Variants in HAS1 observed in about 807,000 individuals in gnomAD.
HAS1 encodes the protein HA synthase 1.
HAS1 carries 27 observed loss-of-function variants against 35.0 expected under a neutral mutation model. The observed-to-expected ratio is 0.77, with a 90% CI of 0.57 to 1.06. The LOEUF is 1.06. Among genes scored for constraint, HAS1 ranks in the 50% least tolerant of loss-of-function variants. The pLI, the probability that HAS1 is intolerant of heterozygous loss-of-function variation, is 0.00. For synonymous variants in HAS1, 409 were observed against 371.2 expected, an observed-to-expected ratio of 1.10 and a Z score of -1.17; for missense variants, 940 against 814.8, an observed-to-expected ratio of 1.15 and a Z score of -1.87.
chr19:51,721,322 G>C (rs574081829), intron 1 of HAS1, among the ~76,000 whole-genome samples: 1 of 152,164 alleles, frequency 6.6e-6, no homozygotes, highest in Non-Finnish European at 1.5e-5. Flanking sequence ...ACTTTCCAGA[G>C]GCATAGCCTG....
intron 1 of HAS1, among the ~76,000 whole-genome samples, chr19:51,720,908 CCAAT>C (rs2083627460): frequency 6.6e-6 from 1 of 152,160 alleles, no homozygotes; most frequent in African/African-American, 2.4e-5. Context: ...GATTTATCTC[CCAAT>C]CAAAGGTTTC....
intron 2 of HAS1, 91 bp downstream of exon 2, chr19:51,719,115 G>A: frequency 1.4e-6 from 1 of 717,604 alleles, no homozygotes. Flanking sequence ...AAGGGAGAGA[G>A]TCATTCAAAT....
chr19:51,717,251 G>C, intron 2 of HAS1, 58 bp from the exon 3 acceptor site: 2 of 1,199,364 alleles, frequency 1.7e-6, no homozygotes, highest in East Asian at 4.7e-5. Flanking sequence ...TGATGCTTGA[G>C]AGGAAGGCAT....
Position 51,713,204 on chromosome 19 carries a change from C to T in HAS1, c.*223G>A. On this transcript the variant is annotated 3_prime_UTR_variant, in exon 5 of 5. Transcript: ENST00000540069. This position sits in a 1 kb window ranked among gnomAD's most constrained non-coding sequence, Gnocchi z 4.5. Reference sequence around the variant, plus strand: ...GAGAAAGCAGGACCCTTTCCCTCCACTCCTCAGATCCCACACCCTGACCAA... The same window carrying T: ...GAGAAAGCAGGACCCTTTCCCTCCATTCCTCAGATCCCACACCCTGACCAA... The T allele has an allele frequency of 7.0e-6, 3 of 431,090 alleles. No individual in the cohort carries two copies. Among genetic ancestry groups the T allele is most frequent in the African/African-American group, 2.0e-5 (1 of 48,836 alleles). 26.7% of individuals were successfully genotyped at this position (431,090 alleles called of 1,614,324 possible). A position where few individuals can be genotyped will look rare whatever the true frequency, so the allele number is the denominator to read the frequency against.
chr19:51,714,667 A>G (rs2083573948), intron 4 of HAS1, among the ~76,000 whole-genome samples: 1 of 145,070 alleles, frequency 6.9e-6, no homozygotes, highest in African/African-American at 2.6e-5. Context: ...CTCCAGCCTG[A>G]GCCTGAGCAA....
chr19:51,714,079 T>A lies in HAS1; in HGVS notation c.1082A>T (p.Tyr361Phe), dbSNP rs1414043971. The A allele has an allele frequency of 1.2e-6, 2 of 1,612,968 alleles. No homozygotes were observed. The highest frequency in any genetic ancestry group is 1.7e-6 in the Non-Finnish European group (2 of 1,179,614). Residue 361 changes from tyrosine to phenylalanine, a missense_variant, in exon 5 of 5, where the codon TAC becomes TTC. By Grantham distance (22) the Tyr-to-Phe change is conservative. Coordinates refer to ENST00000540069, the MANE Select transcript of HAS1 (RefSeq NM_001297436.2). ...CAGGAAGGACGAGGGCGTCTCTGAGTAGCAGCGGGACCTGGAGGTGTACCT... is the reference window on the plus strand; with the variant it reads ...CAGGAAGGACGAGGGCGTCTCTGAGAAGCAGCGGGACCTGGAGGTGTACCT... ...ATKYTSRSRC[Y>F]SETPSSFLRW...
intron 1 of HAS1, among the ~76,000 whole-genome samples, chr19:51,723,582 G>T (rs964433275): frequency 8.6e-5 from 13 of 151,984 alleles, no homozygotes; most frequent in African/African-American, 3.1e-4. Context: ...TCTTTCATTC[G>T]CTCACTGTCG....
At chr19:51,723,207 G>A (rs76867434) in intron 1 of HAS1, among the ~76,000 whole-genome samples, 2,838 of 152,164 alleles carry the variant, frequency 0.019, 95 homozygotes, top group African/African-American at 0.063. Flanking sequence ...AGGATGACCC[G>A]AGACACCCAC....
intron 1 of HAS1, 155 bp from the exon 2 acceptor site, chr19:51,720,050 TTCTC>T (rs1025167357): frequency 6.4e-5 from 37 of 574,450 alleles, no homozygotes; most frequent in African/African-American, 5.7e-4. Flanking sequence ...CTCTTTATCT[TTCTC>T]TCTCTCTGTG....
In HAS1 at chr19:51,713,258, C is replaced by T. The variant is rs1032520657; in HGVS notation, c.*169G>A. On this transcript the variant is annotated 3_prime_UTR_variant, in exon 5 of 5. Coordinates refer to ENST00000540069, the MANE Select transcript of HAS1 (RefSeq NM_001297436.2). The surrounding 1 kb of genome is among the most constrained non-coding windows in gnomAD (Gnocchi z 4.5). ...ATACCCTCCCTGGAGACCCAGAAGT[C>T]CCAGTCCCAATATAGTCCAGACTGA... The T allele has an allele frequency of 4.6e-5, 26 of 571,338 alleles. No individual in the cohort carries two copies. The highest frequency in any genetic ancestry group is 6.5e-5 in the Non-Finnish European group (23 of 354,996). The allele number at this position is 571,338 out of a possible 1,614,324, so 35.4% of individuals were successfully genotyped here.
intron 2 of HAS1, 75 bp downstream of exon 2, chr19:51,719,131 C>T (rs2083605168): frequency 1.2e-6 from 1 of 854,086 alleles, no homozygotes. Context: ...CAAATCTGTA[C>T]ATTGAAGGAA....
intron 2 of HAS1, among the ~76,000 whole-genome samples, chr19:51,718,959 A>G (rs8113161): frequency 0.34 from 51,773 of 152,126 alleles, 9,049 homozygotes; most frequent in Middle Eastern, 0.5. Context: ...GGTGAATGAA[A>G]AAAGGAAAGA....
rs1240172229 is a variant in HAS1, at chr19:51,713,863, A to ACCCACAGCAGCG, written c.1286_1297dup (p.Ala429_Trp432dup). 6.2e-6 allele frequency: 10 copies of ACCCACAGCAGCG among 1,606,728 alleles called. No homozygotes were observed. The highest frequency in any genetic ancestry group is 7.6e-6 in the Non-Finnish European group (9 of 1,179,616). On this transcript the variant is annotated inframe_insertion, in exon 5 of 5. Coordinates refer to ENST00000540069, the MANE Select transcript of HAS1 (RefSeq NM_001297436.2). The surrounding 1 kb of genome is among the most constrained non-coding windows in gnomAD (Gnocchi z 4.5). ...TGCCACGCCCTGCACGCACAGCAGCACCCACAGCAGCGCCCAAGGGCGGCC... is the reference window on the plus strand; with the variant it reads ...TGCCACGCCCTGCACGCACAGCAGCACCCACAGCAGCGCCCACAGCAGCGCCCAAGGGCGGCC...
chr19:51,713,806 C>T lies in HAS1; in HGVS notation c.1355G>A (p.Arg452Gln), dbSNP rs201116150. 1.4e-4 allele frequency: 222 copies of T among 1,606,066 alleles called. 4 individuals are homozygous for T. In the East Asian group the frequency reaches 4.9e-3, roughly 36 times the overall value. ...LAKAAFAAWL[R>Q]GCLRMVLLSL... ...CAGAAGCACCATGCGCAGGCAGCCC[C>T]GCAGCCAGGCCGCGAAGGCCGCCTT... Residue 452 changes from arginine (R) to glutamine (Q), a missense_variant, in exon 5 of 5, where the codon CGG (arginine) becomes CAG (glutamine). Coordinates refer to ENST00000540069, the MANE Select transcript of HAS1 (RefSeq NM_001297436.2). This position sits in a 1 kb window ranked among gnomAD's most constrained non-coding sequence, Gnocchi z 4.5.
Position 51,713,413 on chromosome 19 carries a change from C to T in HAS1, c.*14G>A, listed in dbSNP as rs1172395760. The T allele has an allele frequency of 2.0e-6, 3 of 1,487,638 alleles. No individual in the cohort carries two copies. The highest frequency in any genetic ancestry group is 2.7e-6 in the Non-Finnish European group (3 of 1,118,080). The allele number at this position is 1,487,638 out of a possible 1,614,324, so 92.2% of individuals were successfully genotyped here. ...CCCCTGAAGACCCTTGAGGCGGCAT[C>T]CGCGTGGCTGGACTCACACCTGGAC... On this transcript the variant is annotated 3_prime_UTR_variant, in exon 5 of 5. Coordinates refer to ENST00000540069, the MANE Select transcript of HAS1 (RefSeq NM_001297436.2). This position sits in a 1 kb window ranked among gnomAD's most constrained non-coding sequence, Gnocchi z 4.5.
In HAS1 at chr19:51,720,637, G is replaced by A. The variant is rs2083625263; in HGVS notation, c.10-742C>T. ...TCTCCCAAGAAGCTAGGACCACAAG[G>A]CTGGAGTCACTATGCCTTGCTAATT... On this transcript the variant is annotated intron_variant, in intron 1 of 4. Coordinates refer to ENST00000540069, the MANE Select transcript of HAS1 (RefSeq NM_001297436.2). Among the ~76,000 whole-genome samples, 5 of 151,526 alleles carry A rather than the reference G, an allele frequency of 3.3e-5. No homozygotes were observed. In the East Asian group the frequency reaches 9.7e-4, roughly 29 times the overall value.
Position 51,713,647 on chromosome 19 carries a change from AG to A in HAS1, c.1513del (p.Leu505TrpfsTer16). 1 of 1,572,084 alleles carries A rather than the reference AG, an allele frequency of 6.4e-7. No individual in the cohort carries two copies. Among genetic ancestry groups the A allele is most frequent in the Non-Finnish European group, 8.6e-7 (1 of 1,159,630 alleles). On this transcript the variant is annotated frameshift_variant, in exon 5 of 5. Transcript: ENST00000540069. LOFTEE classifies it low-confidence loss of function (END_TRUNC). The surrounding 1 kb of genome is among the most constrained non-coding windows in gnomAD (Gnocchi z 4.5). Reference sequence around the variant, plus strand: ...AAGCAGCAGCAGCGCCCAGAGCGCCAGGGGCAGCAGAGGGACGTAGTTAGCG... The same window carrying A: ...AAGCAGCAGCAGCGCCCAGAGCGCCAGGGCAGCAGAGGGACGTAGTTAGCG... ...LAANYVPLLP[L>X]ALWALLLLGG...
At position 51,716,269 on chromosome 19, in the gene HAS1, C is replaced by G. The variant is rs777737328; in HGVS notation, c.1045G>C (p.Gly349Arg). The G allele has an allele frequency of 1.2e-6, 2 of 1,613,458 alleles. No individual in the cohort carries two copies. The highest frequency in any genetic ancestry group is 1.7e-6 in the Non-Finnish European group (2 of 1,179,640). ...CCCTCAGCTTACTTGGTAGCATAACCCATGCTGAGCATGCGGTTGGTGAGG... is the reference window on the plus strand; with the variant it reads ...CCCTCAGCTTACTTGGTAGCATAACGCATGCTGAGCATGCGGTTGGTGAGG... ...RHLTNRMLSMGYATKYTSRSR... is the reference protein window; with the variant it reads ...RHLTNRMLSMRYATKYTSRSR... Residue 349 changes from glycine (G) to arginine (R), a missense_variant, in exon 4 of 5, where the codon GGT becomes CGT. Transcript: ENST00000540069.
chr19:51,717,872 G>T (rs542929429), intron 2 of HAS1, among the ~76,000 whole-genome samples: 4 of 152,188 alleles, frequency 2.6e-5, no homozygotes, highest in East Asian at 1.9e-4. Flanking sequence ...GATAATAAAT[G>T]TGTTTCGTTC....
Sources: allele counts gnomAD v4.1 joint callset (sites outside exome capture counted in the v4.1 genomes callset), GRCh38; gene constraint gnomAD v4.1.1; non-coding constraint Gnocchi (gnomAD v3.1); transcripts MANE v1.5; gene names NCBI Gene and HGNC (gene_info 2026-07-23, HGNC 2026-07-21).